MGAT5B: variants seen among roughly 807,000 people sequenced by gnomAD.
The protein encoded by MGAT5B is alpha-1,6-mannosylglycoprotein 6-beta-N-acetylglucosaminyltransferase B.
MGAT5B carries 54 observed loss-of-function variants against 95.1 expected under a neutral mutation model. The ratio of observed to expected loss-of-function variants is 0.57; its 90% CI spans 0.46 to 0.71. MGAT5B has a LOEUF of 0.71. Ranked by LOEUF, MGAT5B falls within the 30% of genes least tolerant of loss-of-function variation. The pLI, the probability that MGAT5B is intolerant of heterozygous loss-of-function variation, is 0.00. For synonymous variants in MGAT5B, 464 were observed against 451.0 expected, an observed-to-expected ratio of 1.03 and a Z score of -0.36; for missense variants, 935 against 1,088.6, an observed-to-expected ratio of 0.86 and a Z score of 1.99.
At chr17:76,933,034 ACC>A (rs1308000098) in intron 11 of MGAT5B, among the ~76,000 whole-genome samples, 2 of 152,028 alleles carry the variant, frequency 1.3e-5, no homozygotes, top group Non-Finnish European at 2.9e-5. Flanking sequence ...TAAATCTTCC[ACC>A]CTTCCAAGAA....
chr17:76,938,283 C>T lies in MGAT5B; in HGVS notation c.1584+140C>T. The stretch of plus-strand genomic sequence containing the variant: ...TGCTCTGCTGCCCTGAGCCCCACAT[C>T]TGGCCAGAGCCCAGGGGCAGAGATG... On this transcript the variant is annotated intron_variant, in intron 13 of 17. Coordinates refer to ENST00000569840, the MANE Select transcript of MGAT5B (RefSeq NM_001199172.2). The surrounding 1 kb of genome is among the most constrained non-coding windows in gnomAD (Gnocchi z 4.3). 8.5e-7 allele frequency: 1 copy of T among 1,173,918 alleles called. No homozygotes were observed. The highest frequency in any genetic ancestry group is 1.2e-6 in the Non-Finnish European group (1 of 841,568). 72.7% of individuals were successfully genotyped at this position (1,173,918 alleles called of 1,614,324 possible).
At chr17:76,887,714 C>T (rs150509328) in intron 3 of MGAT5B, among the ~76,000 whole-genome samples, 6,423 of 150,866 alleles carry the variant, frequency 0.043, 176 homozygotes, top group East Asian at 0.06. Context: ...CCACCATGCC[C>T]GGCTAATTTT....
intron 15 of MGAT5B, among the ~76,000 whole-genome samples, chr17:76,943,622 G>T (rs1969935014): frequency 8.6e-6 from 1 of 115,804 alleles, no homozygotes; most frequent in South Asian, 2.9e-4. Context: ...ATGGGGTGGG[G>T]TGGGGGGGGG....
intron 12 of MGAT5B, among the ~76,000 whole-genome samples, chr17:76,936,989 G>T (rs1969695291): frequency 6.8e-6 from 1 of 147,150 alleles, no homozygotes; most frequent in African/African-American, 2.5e-5. Flanking sequence ...CTGGGAGTTT[G>T]ATTGGGATTT....
At position 76,869,053 on chromosome 17, in the gene MGAT5B, G is replaced by T. The variant is rs2145100164; in HGVS notation, c.24G>T (p.Gly8=). MITVNPD[G]KIMVRRCLVT... ...CAATGATCACCGTCAACCCCGATGGGAAGATAATGGTCAGAAGATGCCTGG... is the reference window on the plus strand; with the variant it reads ...CAATGATCACCGTCAACCCCGATGGTAAGATAATGGTCAGAAGATGCCTGG... The change falls in exon 1 of 18, where the codon GGG becomes GGT. Residue 8 remains glycine (G), a synonymous_variant. Coordinates refer to ENST00000569840, the MANE Select transcript of MGAT5B (RefSeq NM_001199172.2). This position sits in a 1 kb window ranked among gnomAD's most constrained non-coding sequence, Gnocchi z 7.0. The T allele has an allele frequency of 6.2e-7, 1 of 1,614,122 alleles. No homozygotes were observed. Among genetic ancestry groups the T allele is most frequent in the East Asian group, 2.2e-5 (1 of 44,862 alleles).
chr17:76,946,351 A>G (rs1455642947), intron 15 of MGAT5B, 25 bp from the exon 16 acceptor site: 7 of 1,595,844 alleles, frequency 4.4e-6, no homozygotes, highest in Middle Eastern at 3.3e-4. Context: ...CTCCCGCCCC[A>G]TGTGTCTGCC....
At position 76,930,428 on chromosome 17, in the gene MGAT5B, G is replaced by C. The variant is rs1992614; in HGVS notation, c.1292-2217G>C. Among the ~76,000 whole-genome samples the C allele has an allele frequency of 2.0e-5, 3 of 152,186 alleles. No individual in the cohort carries two copies. Among genetic ancestry groups the C allele is most frequent in the Non-Finnish European group, 4.4e-5 (3 of 68,040 alleles). ...GAAGAAATAGGGTATTTAGAATCAA[G>C]GCTGTTGTGGGAAATCAAGGCTGGG... On this transcript the variant is annotated intron_variant, in intron 10 of 17. Coordinates refer to ENST00000569840, the MANE Select transcript of MGAT5B (RefSeq NM_001199172.2). This position sits in a 1 kb window ranked among gnomAD's most constrained non-coding sequence, Gnocchi z 4.1.
intron 8 of MGAT5B, chr17:76,913,769 C>A (rs767371271): frequency 2.1e-6 from 1 of 478,802 alleles, no homozygotes; most frequent in Non-Finnish European, 4.2e-6. Flanking sequence ...CAACACATTG[C>A]TCATTGAAAA....
chr17:76,941,971 C>A (rs1969875009), intron 15 of MGAT5B, among the ~76,000 whole-genome samples: 2 of 152,216 alleles, frequency 1.3e-5, no homozygotes, highest in Admixed American at 6.5e-5. Context: ...CCTGGGATGC[C>A]AGTTCCTGAC....
chr17:76,873,015 C>A lies in MGAT5B; in HGVS notation c.181+52C>A. 2.5e-6 allele frequency: 4 copies of A among 1,593,688 alleles called. No individual in the cohort carries two copies. The South Asian group carries it at 4.4e-5, about 18-fold the overall frequency. ...GAGATGAGTGAGGGCGTTTGTGGGT[C>A]AAAGAGGAAGTGCCTCTGAGCCTAG... On this transcript the variant is annotated intron_variant, in intron 2 of 17. Transcript: ENST00000569840.
At chr17:76,939,438 C>T (rs937374233) in intron 13 of MGAT5B, among the ~76,000 whole-genome samples, 17 of 152,056 alleles carry the variant, frequency 1.1e-4, no homozygotes, top group South Asian at 4.1e-4. Flanking sequence ...TGCTTGAACC[C>T]GGGAGGCAGA....
At chr17:76,942,627 G>C (rs1187589129) in intron 15 of MGAT5B, among the ~76,000 whole-genome samples, 1 of 152,222 alleles carries the variant, frequency 6.6e-6, no homozygotes, top group Non-Finnish European at 1.5e-5. Flanking sequence ...CTTAAATGGG[G>C]CTAGAAGTAC....
intron 2 of MGAT5B, among the ~76,000 whole-genome samples, chr17:76,881,185 C>T (rs1288393868): frequency 2.0e-5 from 3 of 152,280 alleles, no homozygotes; most frequent in Admixed American, 6.5e-5. Flanking sequence ...GCACGTGCAG[C>T]GCTAATGATC....
At chr17:76,897,725 C>CTT (rs750442082) in intron 3 of MGAT5B, among the ~76,000 whole-genome samples, 1 of 66,174 alleles carries the variant, frequency 1.5e-5, no homozygotes, top group Admixed American at 1.6e-4. Flanking sequence ...TTCTTTCTTT[C>CTT]TTTTTCTTTT....
rs1968856200 is a variant in MGAT5B at position 76,914,458 on chromosome 17, A to G, written c.1025+8271A>G. 6.6e-6 allele frequency among the ~76,000 whole-genome samples: 1 copy of G among 152,172 alleles called. No homozygotes were observed. Among genetic ancestry groups the G allele is most frequent in the African/African-American group, 2.4e-5 (1 of 41,442 alleles). On this transcript the variant is annotated intron_variant, in intron 8 of 17. Transcript: ENST00000569840. The surrounding 1 kb of genome is among the most constrained non-coding windows in gnomAD (Gnocchi z 5.1). ...GTAAACCACACAAATGTGTCCTCTT[A>G]CAGTCCTGAAGGCTGGAAGTCTGAA...
At chr17:76,887,308 C>T (rs1967670299) in intron 3 of MGAT5B, among the ~76,000 whole-genome samples, 4 of 152,072 alleles carry the variant, frequency 2.6e-5, no homozygotes, top group Admixed American at 2.6e-4. Context: ...CTCTCTCATA[C>T]ACTTGCCCCA....
Position 76,917,327 on chromosome 17 carries a change from T to C in MGAT5B, c.1026-7639T>C, listed in dbSNP as rs1968972486. Among the ~76,000 whole-genome samples, 1 of 151,986 alleles carries C rather than the reference T, an allele frequency of 6.6e-6. No homozygotes were observed. The highest frequency in any genetic ancestry group is 1.5e-5 in the Non-Finnish European group (1 of 67,962). ...TCAGCTGCCCCTGGCTTCACTTTCTTGTTGGGTCTCGGGGGTGCCTTCCCA... is the reference window on the plus strand; with the variant it reads ...TCAGCTGCCCCTGGCTTCACTTTCTCGTTGGGTCTCGGGGGTGCCTTCCCA... On this transcript the variant is annotated intron_variant, in intron 8 of 17. Coordinates refer to ENST00000569840, the MANE Select transcript of MGAT5B (RefSeq NM_001199172.2). This position sits in a 1 kb window ranked among gnomAD's most constrained non-coding sequence, Gnocchi z 6.1.
chr17:76,939,599 T>G (rs4789383), intron 13 of MGAT5B, among the ~76,000 whole-genome samples: 114,913 of 151,898 alleles, frequency 0.76, 43,609 homozygotes, highest in Non-Finnish European at 0.77. Flanking sequence ...CTGAGGTTTG[T>G]GATATGAAGG....
intron 2 of MGAT5B, among the ~76,000 whole-genome samples, chr17:76,878,828 G>A (rs1375456551): frequency 2.0e-5 from 3 of 152,062 alleles, no homozygotes; most frequent in Non-Finnish European, 2.9e-5. Flanking sequence ...TCTAATCTCC[G>A]GAGGCAATTA....
Sources: gnomAD v4.1 joint callset for allele counts (sites outside exome capture counted in the v4.1 genomes callset) on GRCh38, gnomAD v4.1.1 for gene constraint, Gnocchi (gnomAD v3.1) non-coding constraint, MANE v1.5 for transcripts, NCBI Gene and HGNC (gene_info 2026-07-23, HGNC 2026-07-21) for gene names.